The following XKR9 variants were observed in gnomAD, a reference collection of about 807,000 sequenced individuals.
The protein encoded by XKR9 is XK related 9.
A neutral mutation model predicts 32.0 loss-of-function variants in XKR9; 32 were observed. That is an observed-to-expected ratio of 1.00 (90% CI 0.76 to 1.34). XKR9 has a LOEUF of 1.34. Among genes scored for constraint, XKR9 ranks in the 40% most tolerant of loss-of-function variants. The probability of loss-of-function intolerance (pLI) is 0.00; values close to 1 mark genes in which losing one functional copy is unlikely to be tolerated. For synonymous variants in XKR9, 168 were observed against 143.4 expected, an observed-to-expected ratio of 1.17 and a Z score of -1.22; for missense variants, 546 against 429.7, an observed-to-expected ratio of 1.27 and a Z score of -2.39.
At chr8:70,828,071 G>C in the XKR9 span, among the ~76,000 whole-genome samples, 1 of 152,154 alleles carries the variant, frequency 6.6e-6, no homozygotes, top group African/African-American at 2.4e-5. Context: ...CATCATGTAA[G>C]ACACATTAAA....
chr8:70,725,838 G>A (rs998616700), intron 4 of XKR9, among the ~76,000 whole-genome samples: 12 of 152,012 alleles, frequency 7.9e-5, no homozygotes, highest in Admixed American at 2.6e-4. Flanking sequence ...CCCAGGAGGC[G>A]GAGGTTGTAG....
At chr8:71,011,577 A>G in the XKR9 span, among the ~76,000 whole-genome samples, 6 of 152,326 alleles carry the variant, frequency 3.9e-5, no homozygotes, top group Non-Finnish European at 8.8e-5. Flanking sequence ...TAAATACTGA[A>G]TTTTGCTATA....
the XKR9 span, among the ~76,000 whole-genome samples, chr8:70,910,227 CA>C: frequency 5.3e-4 from 81 of 152,214 alleles, no homozygotes; most frequent in African/African-American, 1.9e-3. Context: ...GGCACCTTTC[CA>C]GCTCCAGGCC....
the XKR9 span, among the ~76,000 whole-genome samples, chr8:70,993,298 T>C: frequency 6.6e-6 from 1 of 152,152 alleles, no homozygotes; most frequent in African/African-American, 2.4e-5. Flanking sequence ...AAATAAATAA[T>C]AGTAGGAGTT....
the XKR9 span, among the ~76,000 whole-genome samples, chr8:70,969,350 T>C: frequency 6.6e-6 from 1 of 152,066 alleles, no homozygotes; most frequent in Non-Finnish European, 1.5e-5. Flanking sequence ...GATTAAAGGG[T>C]AAAGTTTACT....
intron 2 of XKR9, among the ~76,000 whole-genome samples, chr8:70,765,364 T>C (rs1210540052): frequency 1.3e-5 from 2 of 152,240 alleles, no homozygotes; most frequent in African/African-American, 2.4e-5. Flanking sequence ...CTTTTTATCA[T>C]GTTTGTTGGC....
At chr8:70,805,296 G>A in the XKR9 span, among the ~76,000 whole-genome samples, 1 of 152,182 alleles carries the variant, frequency 6.6e-6, no homozygotes, top group Non-Finnish European at 1.5e-5. Flanking sequence ...GATCACACTC[G>A]TGTACCCACG....
chr8:70,789,618 G>A (rs1807736954), intron 3 of XKR9, among the ~76,000 whole-genome samples: 1 of 152,006 alleles, frequency 6.6e-6, no homozygotes. Context: ...GATTTTCATT[G>A]AAATTTACAC....
chr8:70,709,346 C>T (rs975353738), intron 4 of XKR9, among the ~76,000 whole-genome samples: 3 of 152,120 alleles, frequency 2.0e-5, no homozygotes, highest in Non-Finnish European at 4.4e-5. Context: ...CAACATCATA[C>T]TGAGAATGGG....
chr8:71,055,647 C>G, the XKR9 span, among the ~76,000 whole-genome samples: 1 of 152,124 alleles, frequency 6.6e-6, no homozygotes, highest in Non-Finnish European at 1.5e-5. Flanking sequence ...TGATTGAACA[C>G]TGATTAATCC....
chr8:70,757,001 G>T (rs1807236419), intron 2 of XKR9, among the ~76,000 whole-genome samples: 1 of 152,092 alleles, frequency 6.6e-6, no homozygotes. Context: ...TCTTTATTAG[G>T]TTGAGGAAAT....
chr8:70,832,392 C>T, the XKR9 span, among the ~76,000 whole-genome samples: 4 of 151,934 alleles, frequency 2.6e-5, no homozygotes, highest in Non-Finnish European at 5.9e-5. Flanking sequence ...ACACAAATAA[C>T]GTTTTGAGTG....
At chr8:70,724,509 G>A (rs1449306526) in intron 4 of XKR9, among the ~76,000 whole-genome samples, 1 of 152,054 alleles carries the variant, frequency 6.6e-6, no homozygotes, top group African/African-American at 2.4e-5. Context: ...AAACCCCAGG[G>A]CCCTGGTGGT....
chr8:70,738,269 A>G (rs920544901), downstream of XKR9, among the ~76,000 whole-genome samples: 2 of 143,836 alleles, frequency 1.4e-5, no homozygotes, highest in Admixed American at 7.0e-5. Flanking sequence ...AGGTGTTTAT[A>G]GTATTCTCTG....
At chr8:70,721,365 G>T (rs1806276118) in intron 4 of XKR9, among the ~76,000 whole-genome samples, 1 of 151,896 alleles carries the variant, frequency 6.6e-6, no homozygotes. Context: ...GTTTGCTCTT[G>T]CTTTTCTAGT....
intron 2 of XKR9, among the ~76,000 whole-genome samples, chr8:70,768,852 A>G (rs1199126027): frequency 1.3e-5 from 2 of 151,926 alleles, no homozygotes; most frequent in East Asian, 3.9e-4. Context: ...TCTCCTGAAT[A>G]CAGCACACCG....
the XKR9 span, among the ~76,000 whole-genome samples, chr8:70,965,808 T>G: frequency 2.6e-5 from 4 of 152,110 alleles, no homozygotes; most frequent in African/African-American, 9.7e-5. Flanking sequence ...TCCCTTATCT[T>G]TTCTGATTGT....
At chr8:70,922,819 A>G in the XKR9 span, among the ~76,000 whole-genome samples, 1 of 152,206 alleles carries the variant, frequency 6.6e-6, no homozygotes, top group Non-Finnish European at 1.5e-5. Context: ...AGCAGCAATC[A>G]TGCTCAATTT....
chr8:71,012,966 A>AT, the XKR9 span, among the ~76,000 whole-genome samples: 2 of 152,194 alleles, frequency 1.3e-5, no homozygotes, highest in African/African-American at 4.8e-5. Flanking sequence ...TTATCCCTTC[A>AT]TAACACAAGC....
Sources: allele counts gnomAD v4.1 joint callset (sites outside exome capture counted in the v4.1 genomes callset), GRCh38; gene constraint gnomAD v4.1.1; transcripts MANE v1.5; gene names NCBI Gene and HGNC (gene_info 2026-07-23, HGNC 2026-07-21).